The following SPDYC variants were observed in gnomAD, a reference collection of about 807,000 sequenced individuals.
SPDYC encodes speedy protein C.
SPDYC carries 25 observed loss-of-function variants against 33.9 expected under a neutral mutation model. That is an observed-to-expected ratio of 0.74 (90% CI 0.54 to 1.03). The LOEUF is 1.03. Among genes scored for constraint, SPDYC ranks in the 50% least tolerant of loss-of-function variants. The probability of loss-of-function intolerance (pLI) is 0.00; values close to 1 mark genes in which losing one functional copy is unlikely to be tolerated. For missense variants in SPDYC, 349 were observed against 382.9 expected (o/e 0.91, Z 0.74); for synonymous variants, 133 against 140.2 (o/e 0.95, Z 0.36).
chr11:65,170,834 G>C (rs1159315500), intron 1 of SPDYC, among the ~76,000 whole-genome samples: 1 of 152,176 alleles, frequency 6.6e-6, no homozygotes, highest in Non-Finnish European at 1.5e-5. Context: ...AGTGAGCCGA[G>C]ATCGCGCCAC....
chr11:65,170,322 ATTGGCCC>A (rs1948417866), intron 1 of SPDYC, 61 bp downstream of exon 1: 6 of 1,525,690 alleles, frequency 3.9e-6, no homozygotes, highest in Non-Finnish European at 5.3e-6. Context: ...AGGGGCCCAG[ATTGGCCC>A]TGGGGTGGTC....
At chr11:65,171,695 T>C (rs1948436775) in intron 2 of SPDYC, among the ~76,000 whole-genome samples, 196 bp downstream of exon 2, 1 of 152,120 alleles carries the variant, frequency 6.6e-6, no homozygotes, top group Non-Finnish European at 1.5e-5. Context: ...GTCATACCTA[T>C]AATCCCAACA....
chr11:65,173,110 G>T, intron 6 of SPDYC, 73 bp from the exon 7 acceptor site: 1 of 1,602,150 alleles, frequency 6.2e-7, no homozygotes, highest in Non-Finnish European at 8.5e-7. Context: ...CATGGGCCTG[G>T]GGTCGACGTG....
chr11:65,172,966 G>A (rs750072015), exon 6 of SPDYC: 49 of 1,613,844 alleles, frequency 3.0e-5, no homozygotes, highest in Middle Eastern at 1.6e-4. Flanking sequence ...CTTTCTCATC[G>A]TCTTGCCTCC....
chr11:65,171,321 C>T lies in SPDYC; in HGVS notation c.27-6C>T. 6.2e-7 allele frequency: 1 copy of T among 1,606,164 alleles called. No individual in the cohort carries two copies. Among genetic ancestry groups the T allele is most frequent in the Non-Finnish European group, 8.5e-7 (1 of 1,176,414 alleles). On this transcript the variant is annotated splice_region_variant and splice_polypyrimidine_tract_variant and intron_variant, in intron 1 of 6. Coordinates refer to ENST00000377185, the Ensembl canonical transcript of SPDYC. ...ATGCTAAGTCCTGAGCCTCCTTTCT[C>T]TACAGGTCACCCTGCCCCATCTCCA...
At chr11:65,171,528 G>A (rs368390428) in intron 2 of SPDYC, 29 bp downstream of exon 2, 59 of 1,507,664 alleles carry the variant, frequency 3.9e-5, no homozygotes, top group Non-Finnish European at 3.5e-5. Flanking sequence ...CACGGGAGGG[G>A]CCGTGAGGTC....
At chr11:65,170,642 A>G (rs1457038182) in intron 1 of SPDYC, among the ~76,000 whole-genome samples, 2 of 151,454 alleles carry the variant, frequency 1.3e-5, no homozygotes, top group Non-Finnish European at 2.9e-5. Flanking sequence ...CACGCCTGCA[A>G]TCCCAGCACT....
At chr11:65,172,121 C>G (rs2097917085) in intron 3 of SPDYC, 120 bp downstream of exon 3, 1 of 1,487,038 alleles carries the variant, frequency 6.7e-7, no homozygotes, top group Non-Finnish European at 9.4e-7. Flanking sequence ...CTTTGCACAC[C>G]ACTTCCCACC....
rs755207879 is a variant in SPDYC, at chr11:65,172,243, C to T, written c.259-3C>T. On this transcript the variant is annotated splice_polypyrimidine_tract_variant and splice_region_variant and intron_variant, in intron 3 of 6. Coordinates refer to ENST00000377185, the Ensembl canonical transcript of SPDYC. The stretch of plus-strand genomic sequence containing the variant: ...AACCCCCCACCCCGATCTGTCTCTG[C>T]AGTATCTCCTGGCCATGGTGCTGGT... 1 of 1,614,164 alleles carries T rather than the reference C, an allele frequency of 6.2e-7. No individual in the cohort carries two copies. Among genetic ancestry groups the T allele is most frequent in the Non-Finnish European group, 8.5e-7 (1 of 1,180,028 alleles).
intron 2 of SPDYC, 25 bp downstream of exon 2, chr11:65,171,524 A>AG: frequency 6.6e-7 from 1 of 1,508,478 alleles, no homozygotes; most frequent in South Asian, 1.3e-5. Flanking sequence ...CTGGCACGGG[A>AG]GGGGCCGTGA....
At chr11:65,171,359 T>C in exon 2 of SPDYC, 1 of 1,612,692 alleles carries the variant, frequency 6.2e-7, no homozygotes, top group Non-Finnish European at 8.5e-7. Flanking sequence ...TCCTATGAGA[T>C]GAGTGACTCC....
chr11:65,170,763 A>T (rs1266533672), intron 1 of SPDYC, among the ~76,000 whole-genome samples: 1 of 152,022 alleles, frequency 6.6e-6, no homozygotes, highest in Non-Finnish European at 1.5e-5. Flanking sequence ...CATGCCTGTA[A>T]TCCCAGCTAC....
Position 65,172,126 on chromosome 11 carries a change from C to G in SPDYC, c.259-120C>G. ...ACCCCCTCATCTTTGCACACCACTT[C>G]CCACCATTTTACTGACTTTCTTTCC... is the stretch of plus-strand genomic sequence containing the variant. On this transcript the variant is annotated intron_variant, in intron 3 of 6. Coordinates refer to ENST00000377185, the Ensembl canonical transcript of SPDYC. The G allele has an allele frequency of 8.7e-6, 13 of 1,496,248 alleles. 1 individual carries two copies. The highest frequency in any genetic ancestry group is 1.2e-5 in the Non-Finnish European group (13 of 1,076,260). The allele number at this position is 1,496,248 out of a possible 1,614,324, so 92.7% of individuals were successfully genotyped here. A position where few individuals can be genotyped will look rare whatever the true frequency, so the allele number is the denominator to read the frequency against.
intron 1 of SPDYC, 144 bp from the exon 2 acceptor site, chr11:65,171,181 ACT>A (rs1254444035): frequency 5.2e-5 from 43 of 834,660 alleles, no homozygotes; most frequent in Non-Finnish European, 1.1e-5. Context: ...TGGCCTCCCC[ACT>A]CTTGTTGCAT....
chr11:65,171,465 G>A, exon 2 of SPDYC: 2 of 1,593,172 alleles, frequency 1.3e-6, no homozygotes, highest in East Asian at 2.3e-5. Flanking sequence ...GTTTTCGCCA[G>A]CACCAGGAGG....
In SPDYC at chr11:65,172,957, T is replaced by G. The variant is rs761330725; in HGVS notation, c.790T>G (p.Phe264Val). 5 of 1,613,882 alleles carry G rather than the reference T, an allele frequency of 3.1e-6. No homozygotes were observed. In the South Asian group the frequency reaches 5.5e-5, roughly 18 times the overall value. ...GGTCAAAAACGCCTGGGGTGGGGACTTTCTCATCGTCTTGCCTCCCCAGAT... is the reference window on the plus strand; with the variant it reads ...GGTCAAAAACGCCTGGGGTGGGGACGTTCTCATCGTCTTGCCTCCCCAGAT... The change falls in exon 6 of 7, where the codon TTT becomes GTT. Residue 264 changes from phenylalanine (F) to valine (V), a missense_variant. Physicochemically the swap from Phe to Val is conservative, Grantham distance 50 (BLOSUM62 -1). Coordinates refer to ENST00000377185, the Ensembl canonical transcript of SPDYC.
chr11:65,172,558 G>A (rs947759867), exon 5 of SPDYC: 5 of 1,562,520 alleles, frequency 3.2e-6, no homozygotes, highest in Non-Finnish European at 4.3e-6. Flanking sequence ...TAAGCTTTGG[G>A]CACGGATGGG....
exon 2 of SPDYC, chr11:65,171,460 C>A: frequency 6.3e-7 from 1 of 1,595,260 alleles, no homozygotes; most frequent in South Asian, 1.1e-5. Flanking sequence ...CCTCCGTTTT[C>A]GCCAGCACCA....
chr11:65,170,906 A>G (rs1472561081), intron 1 of SPDYC, among the ~76,000 whole-genome samples: 2 of 151,948 alleles, frequency 1.3e-5, no homozygotes, highest in African/African-American at 2.4e-5. Flanking sequence ...AAAAACCAAA[A>G]AACCTCTTGG....
Sources: gnomAD v4.1 joint callset for allele counts (sites outside exome capture counted in the v4.1 genomes callset) on GRCh38, gnomAD v4.1.1 for gene constraint, MANE v1.5 for transcripts, NCBI Gene and HGNC (gene_info 2026-07-23, HGNC 2026-07-21) for gene names.